The following SLC38A11 variants were observed in gnomAD, a reference collection of about 807,000 sequenced individuals.
The protein encoded by SLC38A11 is putative sodium-coupled neutral amino acid transporter 11.
A neutral mutation model predicts 49.4 loss-of-function variants in SLC38A11; 51 were observed. The observed-to-expected ratio is 1.03, with a 90% confidence interval of 0.83 to 1.30. SLC38A11 has a LOEUF of 1.30. SLC38A11 is among the 50% of genes most tolerant of loss of function. SLC38A11 has a pLI of 0.00. For missense variants in SLC38A11, 574 were observed against 556.2 expected (o/e 1.03, Z -0.32); for synonymous variants, 203 against 192.9 (o/e 1.05, Z -0.43).
In SLC38A11 at chr2:164,946,632, A is replaced by C. The variant is rs192530818; in HGVS notation, c.230-905T>G. Reference sequence around the variant, plus strand: ...ATTGAAGTTAGAGATAGATATATACAGAAATTATATAATGAAAAGTCAGTT... The same window carrying C: ...ATTGAAGTTAGAGATAGATATATACCGAAATTATATAATGAAAAGTCAGTT... On this transcript the variant is annotated intron_variant, in intron 3 of 11. Transcript: ENST00000685975. Among the ~76,000 whole-genome samples the C allele has an allele frequency of 1.1e-3, 162 of 152,178 alleles. 1 individual carries two copies. Among genetic ancestry groups the C allele is most frequent in the African/African-American group, 3.8e-3 (157 of 41,538 alleles).
intron 6 of SLC38A11, among the ~76,000 whole-genome samples, chr2:164,938,008 T>C (rs940337798): frequency 1.3e-5 from 2 of 152,094 alleles, no homozygotes; most frequent in Non-Finnish European, 2.9e-5. Context: ...TGTTCTGTCA[T>C]TATATCAACT....
rs182201755 is a variant in SLC38A11, at chr2:164,941,369, G to A, written c.431-1813C>T. 3.1e-3 allele frequency among the ~76,000 whole-genome samples: 472 copies of A among 152,220 alleles called. 1 individual carries two copies. The highest frequency in any genetic ancestry group is 0.011 in the African/African-American group (447 of 41,556). ...GTCTACTTGTCAATTTAAGACATTA[G>A]TGATGTATTTCAGAATAAAAATAGA... On this transcript the variant is annotated intron_variant, in intron 5 of 11. Coordinates refer to ENST00000685975, the MANE Select transcript of SLC38A11 (RefSeq NM_001351537.2).
At chr2:164,949,253 A>ATTTTTTTTTTTTTTT (rs1688356901) in intron 3 of SLC38A11, among the ~76,000 whole-genome samples, 1 of 151,906 alleles carries the variant, frequency 6.6e-6, no homozygotes, top group African/African-American at 2.4e-5. Context: ...TAATTAATTA[A>ATTTTTTTTTTTTTTT]TTTATTTATT....
intron 11 of SLC38A11, among the ~76,000 whole-genome samples, chr2:164,904,413 G>GA (rs202047741): frequency 5.1e-4 from 76 of 149,354 alleles, no homozygotes; most frequent in African/African-American, 1.2e-3. Flanking sequence ...ATGAAAACAA[G>GA]AAAAAAAAAG....
Position 164,915,145 on chromosome 2 carries a change from A to G in SLC38A11, c.817T>C (p.Cys273Arg), listed in dbSNP as rs1164354459. ...AAGCCAGTAAATGTCAAGTATCCACATGTAGCAAAGAATATACAGATAAAT... is the reference window on the plus strand; with the variant it reads ...AAGCCAGTAAATGTCAAGTATCCACGTGTAGCAAAGAATATACAGATAAAT... ...SVFICIFFAT[C>R]GYLTFTGFTQ... Residue 273 changes from cysteine (C) to arginine (R), a missense_variant, in exon 9 of 12, where the codon TGT becomes CGT. Cys to Arg is a radical substitution (Grantham distance 180, BLOSUM62 -3). Transcript: ENST00000685975. 1.2e-6 allele frequency: 2 copies of G among 1,610,090 alleles called. No homozygotes were observed. The highest frequency in any genetic ancestry group is 1.1e-5 in the South Asian group (1 of 90,128).
At chr2:164,905,285 T>C (rs1684920359) in intron 11 of SLC38A11, among the ~76,000 whole-genome samples, 1 of 151,878 alleles carries the variant, frequency 6.6e-6, no homozygotes, top group Admixed American at 6.6e-5. Context: ...ACCCAGCTAA[T>C]ATTTTCTCTT....
intron 11 of SLC38A11, among the ~76,000 whole-genome samples, chr2:164,901,342 G>C (rs1011055782): frequency 2.3e-4 from 35 of 152,050 alleles, no homozygotes; most frequent in African/African-American, 8.4e-4. Context: ...ATATTGCTTT[G>C]GGTAGTATGG....
rs772190481 is a variant in SLC38A11, at chr2:164,898,712, G to A, written c.1114C>T (p.Pro372Ser). Residue 372 changes from proline to serine, a missense_variant, in exon 12 of 12, where the codon CCC (proline) becomes TCC (serine). Pro to Ser is a moderately conservative substitution (Grantham distance 74). Transcript: ENST00000685975. ...LELNGVLCAT[P>S]LIFIIPSACY... ...GCTGATGGAATGATAAAAATGAGGG[G>A]AGTTGCACAGAGCACACCCTGCATG... 2 of 1,613,066 alleles carry A rather than the reference G, an allele frequency of 1.2e-6. No homozygotes were observed. Among genetic ancestry groups the A allele is most frequent in the South Asian group, 2.2e-5 (2 of 91,026 alleles).
In SLC38A11 at chr2:164,915,902, C is replaced by A. The variant is rs748066272; in HGVS notation, c.688+1G>T. 1 of 1,598,878 alleles carries A rather than the reference C, an allele frequency of 6.3e-7. No homozygotes were observed. Among genetic ancestry groups the A allele is most frequent in the Non-Finnish European group, 8.6e-7 (1 of 1,168,870 alleles). ...AAGGGCCTTTGAAACCAAATACTCA[C>A]CAAAAGACATAACCCCGACCGCTTG... On this transcript the variant is annotated splice_donor_variant, in intron 8 of 11. Transcript: ENST00000685975. LOFTEE classifies it high-confidence loss of function.
At chr2:164,902,033 C>CTTTTTTTT (rs60476941) in intron 11 of SLC38A11, among the ~76,000 whole-genome samples, 1 of 133,314 alleles carries the variant, frequency 7.5e-6, no homozygotes. Flanking sequence ...TTTTCTCTCT[C>CTTTTTTTT]TTTTTTTTTT....
At chr2:164,908,359 T>C (rs1422780759) in intron 11 of SLC38A11, among the ~76,000 whole-genome samples, 2 of 152,068 alleles carry the variant, frequency 1.3e-5, no homozygotes, top group African/African-American at 4.8e-5. Flanking sequence ...GACCTGCACA[T>C]TGTGGGATGT....
At chr2:164,942,180 G>A (rs1021510075) in intron 5 of SLC38A11, among the ~76,000 whole-genome samples, 16 of 152,048 alleles carry the variant, frequency 1.1e-4, no homozygotes, top group African/African-American at 3.9e-4. Context: ...CAGGTGAGAT[G>A]GCTCATGTCT....
chr2:164,945,362 A>G (rs900401672), intron 4 of SLC38A11, among the ~76,000 whole-genome samples: 2 of 152,006 alleles, frequency 1.3e-5, no homozygotes, highest in African/African-American at 4.8e-5. Context: ...AGAAAGCCCA[A>G]ACATTAACCT....
intron 11 of SLC38A11, among the ~76,000 whole-genome samples, chr2:164,900,772 AC>A (rs1684600920): frequency 6.6e-6 from 1 of 151,754 alleles, no homozygotes; most frequent in South Asian, 2.1e-4. Flanking sequence ...CCCGCCCTGC[AC>A]CCCCTCCCCA....
intron 7 of SLC38A11, among the ~76,000 whole-genome samples, chr2:164,923,683 G>C (rs1375582989): frequency 6.6e-6 from 1 of 152,030 alleles, no homozygotes; most frequent in East Asian, 1.9e-4. Context: ...TGTAGTCCCA[G>C]TTACTTAGGA....
At chr2:164,925,910 A>G (rs1184189577) in intron 7 of SLC38A11, among the ~76,000 whole-genome samples, 2 of 152,178 alleles carry the variant, frequency 1.3e-5, no homozygotes, top group African/African-American at 2.4e-5. Context: ...GTTCTGGGCC[A>G]TCTACCCATA....
rs759549495 is a variant in SLC38A11, at chr2:164,915,276, G to A, written c.689-3C>T. On this transcript the variant is annotated splice_polypyrimidine_tract_variant and splice_region_variant and intron_variant, in intron 8 of 11. Transcript: ENST00000685975. ...GGAGTTATGGTGGCAAATAAATGCT[G>A]CAATACAAAAAAAAAGAGCATTATT... The A allele has an allele frequency of 1.3e-5, 20 of 1,575,952 alleles. No homozygotes were observed. The African/African-American group carries it at 2.5e-4, about 20-fold the overall frequency.
intron 3 of SLC38A11, chr2:164,950,066 A>G (rs1308338481): frequency 6.6e-6 from 1 of 152,222 alleles, no homozygotes; most frequent in African/African-American, 2.4e-5. Flanking sequence ...ACAGCAGGTC[A>G]CTGGCCAAGG....
chr2:164,905,669 T>G (rs1368891972), intron 11 of SLC38A11, among the ~76,000 whole-genome samples: 1 of 152,134 alleles, frequency 6.6e-6, no homozygotes, highest in Non-Finnish European at 1.5e-5. Context: ...AGATCCTAGA[T>G]TTTATTAATT....
Sources: allele counts gnomAD v4.1 joint callset (sites outside exome capture counted in the v4.1 genomes callset), GRCh38; gene constraint gnomAD v4.1.1; transcripts MANE v1.5; gene names NCBI Gene and HGNC (gene_info 2026-07-23, HGNC 2026-07-21).